Variants in RBFOX1 observed in about 807,000 individuals in gnomAD.
The protein encoded by RBFOX1 is RNA binding protein fox-1 homolog 1.
In RBFOX1, 8 loss-of-function variants were observed where a neutral mutation model predicts 57.7. The observed-to-expected ratio is 0.14, with a 90% confidence interval of 0.08 to 0.25. The LOEUF is 0.25. Among genes scored for constraint, RBFOX1 ranks in the 10% least tolerant of loss-of-function variants. The pLI, the probability that RBFOX1 is intolerant of heterozygous loss-of-function variation, is 1.00. For missense variants in RBFOX1, 611 were observed against 548.5 expected, an observed-to-expected ratio of 1.11 and a Z score of -1.14; for synonymous variants, 326 against 222.4, an observed-to-expected ratio of 1.47 and a Z score of -4.15.
chr16:7,149,928 G>T (rs1424532575), intron 4 of RBFOX1, among the ~76,000 whole-genome samples: 1 of 152,112 alleles, frequency 6.6e-6, no homozygotes, highest in Non-Finnish European at 1.5e-5. Flanking sequence ...CCCGTGGCTT[G>T]TTATTTGCAA....
rs375585158 is a variant in RBFOX1 at position 7,005,158 on chromosome 16, G to A, written c.-15-46899G>A. On this transcript the variant is annotated intron_variant, in intron 3 of 15. Transcript: ENST00000550418. ...AGATTCCATCTCAAAAACAAAAAAC[G>A]AAAAAAAACCCAAAACTAAACAAAA... is the stretch of plus-strand genomic sequence containing the variant. Among the ~76,000 whole-genome samples the A allele has an allele frequency of 1.8e-4, 27 of 151,008 alleles. No individual in the cohort carries two copies. In the South Asian group the frequency reaches 5.4e-3, roughly 30 times the overall value.
chr16:5,978,810 G>A lies in RBFOX1; in HGVS notation c.351+111475G>A, dbSNP rs149035968. ...TTAGCCTGGGGTTTGGAGTTGTGGG[G>A]AACAACACTGCAGAAGTGAAATGCT... is the stretch of plus-strand genomic sequence containing the variant. On this transcript the variant is annotated intron_variant, in intron 4 of 19. Coordinates refer to the RBFOX1 transcript ENST00000641259. Among the ~76,000 whole-genome samples, 407 of 152,090 alleles carry A rather than the reference G, an allele frequency of 2.7e-3. 2 individuals carry two copies. The highest frequency in any genetic ancestry group is 9.5e-3 in the African/African-American group (396 of 41,498).
chr16:6,714,642 T>C (rs561385135), intron 3 of RBFOX1, among the ~76,000 whole-genome samples: 1 of 152,210 alleles, frequency 6.6e-6, no homozygotes, highest in Non-Finnish European at 1.5e-5. Context: ...GATGAACATA[T>C]TACAGCCAGG....
intron 4 of RBFOX1, among the ~76,000 whole-genome samples, chr16:7,192,881 A>T (rs1454380602): frequency 6.6e-6 from 1 of 152,240 alleles, no homozygotes; most frequent in Admixed American, 6.5e-5. Context: ...TGCTTACAAC[A>T]TTGTTACTTC....
intron 3 of RBFOX1, among the ~76,000 whole-genome samples, chr16:6,669,719 A>G (rs948161355): frequency 2.0e-5 from 3 of 152,096 alleles, no homozygotes; most frequent in Admixed American, 2.0e-4. Flanking sequence ...TTTCCTTTTC[A>G]ACTGAAAGGT....
At chr16:7,574,398 C>T (rs1233787470) in intron 5 of RBFOX1, among the ~76,000 whole-genome samples, 1 of 152,130 alleles carries the variant, frequency 6.6e-6, no homozygotes, top group Non-Finnish European at 1.5e-5. Context: ...GGTGAAGTCC[C>T]ACAATAGGCC....
intron 3 of RBFOX1, among the ~76,000 whole-genome samples, chr16:6,865,904 T>G (rs906589401): frequency 2.0e-5 from 3 of 152,174 alleles, no homozygotes; most frequent in African/African-American, 7.2e-5. Flanking sequence ...AACTTAGTGT[T>G]GAAACATTAC....
Position 6,944,401 on chromosome 16 carries a change from A to T in RBFOX1, c.-15-107656A>T, listed in dbSNP as rs2079098280. On this transcript the variant is annotated intron_variant, in intron 3 of 15. Coordinates refer to ENST00000550418, the MANE Select transcript of RBFOX1 (RefSeq NM_018723.4). ...AGAGCAAGACTCCATCTCAGAGAAA[A>T]AAAAAAAAAAAAAAGAAAGAAAAGA... Among the ~76,000 whole-genome samples, 8 of 129,496 alleles carry T rather than the reference A, an allele frequency of 6.2e-5. No individual in the cohort carries two copies. The South Asian group carries it at 2.0e-3, about 32-fold the overall frequency. The allele number at this position is 129,496 out of a possible 152,430, so 85.0% of individuals were successfully genotyped here. A position where few individuals can be genotyped will look rare whatever the true frequency, so the allele number is the denominator to read the frequency against.
intron 4 of RBFOX1, among the ~76,000 whole-genome samples, chr16:7,206,636 C>G (rs926701056): frequency 4.6e-5 from 7 of 152,040 alleles, no homozygotes; most frequent in African/African-American, 1.7e-4. Context: ...AGAATGCTGT[C>G]TTATCCCTCA....
intron 4 of RBFOX1, among the ~76,000 whole-genome samples, chr16:7,415,887 G>T (rs1266834891): frequency 1.3e-5 from 2 of 152,128 alleles, no homozygotes; most frequent in Non-Finnish European, 2.9e-5. Context: ...TGCATTTGCT[G>T]TGATAACTTT....
chr16:6,572,896 C>G (rs1451292950), intron 2 of RBFOX1, among the ~76,000 whole-genome samples: 4 of 152,050 alleles, frequency 2.6e-5, no homozygotes, highest in African/African-American at 9.7e-5. Context: ...GCCCAGCCAT[C>G]AATAAATACT....
intron 3 of RBFOX1, among the ~76,000 whole-genome samples, chr16:5,803,220 G>A (rs777392956): frequency 2.0e-5 from 3 of 152,098 alleles, no homozygotes; most frequent in Admixed American, 6.5e-5. Flanking sequence ...TCAGTACCCC[G>A]TGAGTATGTC....
At chr16:6,901,438 G>A (rs1248936784) in intron 3 of RBFOX1, among the ~76,000 whole-genome samples, 1 of 152,116 alleles carries the variant, frequency 6.6e-6, no homozygotes, top group Non-Finnish European at 1.5e-5. Context: ...AGTCCAAGAG[G>A]TCAAAGGGTG....
rs190489305 is a variant in RBFOX1 at position 6,022,369 on chromosome 16, C to T, written c.-127+2377C>T. 1.9e-3 allele frequency among the ~76,000 whole-genome samples: 284 copies of T among 152,052 alleles called. 5 individuals carry two copies. Among genetic ancestry groups the T allele is most frequent in the Non-Finnish European group, 4.6e-4 (31 of 67,996 alleles). ...CATTCCTCCTGGGATTCACACATTG[C>T]AATTAGTATGTTTAGATATAAAATT... On this transcript the variant is annotated intron_variant, in intron 1 of 15. Coordinates refer to ENST00000550418, the MANE Select transcript of RBFOX1 (RefSeq NM_018723.4).
intron 4 of RBFOX1, among the ~76,000 whole-genome samples, chr16:7,240,902 C>T (rs1265695205): frequency 6.6e-6 from 1 of 152,198 alleles, no homozygotes; most frequent in African/African-American, 2.4e-5. Flanking sequence ...TCTTGAAGTA[C>T]TAATGTTGCT....
chr16:5,631,277 G>A lies in RBFOX1; in HGVS notation c.318+32316G>A, dbSNP rs184267145. On this transcript the variant is annotated intron_variant, in intron 3 of 19. Transcript: ENST00000641259. ...CATGCACATTTAAAAGTCTCTCTTC[G>A]GGCAGGCGTGGTGGCTTACGCCTGT... Among the ~76,000 whole-genome samples the A allele has an allele frequency of 1.5e-4, 23 of 152,242 alleles. No homozygotes were observed. In the South Asian group the frequency reaches 3.9e-3, roughly 26 times the overall value.
intron 11 of RBFOX1, among the ~76,000 whole-genome samples, chr16:7,642,090 G>A (rs1483623126): frequency 6.6e-6 from 1 of 152,128 alleles, no homozygotes; most frequent in Non-Finnish European, 1.5e-5. Flanking sequence ...ACTCTAGCCT[G>A]GGGGAGACCC....
chr16:7,071,588 TG>T (rs2057349624), intron 4 of RBFOX1, among the ~76,000 whole-genome samples: 2 of 6,804 alleles, frequency 2.9e-4, no homozygotes, highest in Admixed American at 2.6e-3. Flanking sequence ...TGCCCAGATA[TG>T]TGTGTGTGTG....
rs112620240 is a variant in RBFOX1 at position 5,248,264 on chromosome 16, G to T, written c.219+8159G>T. 4.8e-3 allele frequency among the ~76,000 whole-genome samples: 738 copies of T among 152,376 alleles called. 6 individuals are homozygous for T. Among genetic ancestry groups the T allele is most frequent in the African/African-American group, 0.017 (710 of 41,592 alleles). On this transcript the variant is annotated intron_variant, in intron 1 of 2. Coordinates refer to the RBFOX1 transcript ENST00000585867. The stretch of plus-strand genomic sequence containing the variant: ...ATAATGTCTAAGCATGCATATTTAA[G>T]TGTTTGCCTCAAAAGCTCTTGCTAA...
Sources: allele counts gnomAD v4.1 joint callset (sites outside exome capture counted in the v4.1 genomes callset), GRCh38; gene constraint gnomAD v4.1.1; transcripts MANE v1.5; gene names NCBI Gene and HGNC (gene_info 2026-07-23, HGNC 2026-07-21).